MTUS2: variants seen among roughly 807,000 people sequenced by gnomAD.
The protein encoded by MTUS2 is microtubule-associated tumor suppressor candidate 2.
A neutral mutation model predicts 114.1 loss-of-function variants in MTUS2; 40 were observed. The ratio of observed to expected loss-of-function variants is 0.35; its 90% CI spans 0.27 to 0.46. MTUS2 has a LOEUF of 0.46. Among genes scored for constraint, MTUS2 ranks in the 20% least tolerant of loss-of-function variants. The pLI, the probability that MTUS2 is intolerant of heterozygous loss-of-function variation, is 1.00. For synonymous variants in MTUS2, 688 were observed against 672.0 expected (o/e 1.02, Z -0.37); for missense variants, 1,679 against 1,705.4 (o/e 0.98, Z 0.27).
chr13:29,173,239 A>G (rs546509343), intron 5 of MTUS2, among the ~76,000 whole-genome samples: 2 of 152,258 alleles, frequency 1.3e-5, no homozygotes, highest in South Asian at 2.1e-4. Flanking sequence ...TATGTTCACA[A>G]AGAGAAATTG....
rs199648450 is a variant in MTUS2 at position 29,026,612 on chromosome 13, G to A, written c.1914G>A (p.Lys638=). Reference sequence around the variant, plus strand: ...AGCCCATCATTATGCCCAAGCCCAAGCATGTGAGGCCCAAGATCATCACCT... The same window carrying A: ...AGCCCATCATTATGCCCAAGCCCAAACATGTGAGGCCCAAGATCATCACCT... ...ETKPIIMPKP[K]HVRPKIITYI... is the part of the protein sequence containing the mutation. Residue 638 remains lysine, a synonymous_variant, in exon 3 of 16, where the codon AAG becomes AAA. Transcript: ENST00000612955. 1.8e-4 allele frequency: 285 copies of A among 1,613,948 alleles called. No individual in the cohort carries two copies. In the African/African-American group the frequency reaches 3.4e-3, roughly 19 times the overall value.
At chr13:29,291,526 G>C (rs995768885) in intron 6 of MTUS2, among the ~76,000 whole-genome samples, 7 of 152,344 alleles carry the variant, frequency 4.6e-5, no homozygotes, top group Admixed American at 2.0e-4. Context: ...ACCCTCAGCT[G>C]TGGCTCCCTG....
intron 2 of MTUS2, among the ~76,000 whole-genome samples, chr13:28,917,596 G>A (rs1880817477): frequency 6.7e-6 from 1 of 149,470 alleles, no homozygotes; most frequent in Non-Finnish European, 1.5e-5. Flanking sequence ...GATTTTATTT[G>A]TTCGGGTAGT....
chr13:28,826,044 T>A (rs924238789), intron 1 of MTUS2, among the ~76,000 whole-genome samples: 2 of 152,202 alleles, frequency 1.3e-5, no homozygotes, highest in African/African-American at 2.4e-5. Flanking sequence ...CTCTTTAGCT[T>A]TTGTAAGTGG....
chr13:28,872,262 G>C (rs1388775555), intron 2 of MTUS2, among the ~76,000 whole-genome samples: 1 of 152,092 alleles, frequency 6.6e-6, no homozygotes. Context: ...GAATTCATGG[G>C]GGGTGTAAGG....
chr13:28,991,690 T>G (rs767607053), intron 2 of MTUS2, among the ~76,000 whole-genome samples: 9 of 152,140 alleles, frequency 5.9e-5, no homozygotes, highest in Non-Finnish European at 1.0e-4. Context: ...TCTTTAAAAT[T>G]TAATTTAATT....
At chr13:28,911,774 A>T (rs910088714) in intron 2 of MTUS2, among the ~76,000 whole-genome samples, 1 of 146,016 alleles carries the variant, frequency 6.8e-6, no homozygotes, top group Non-Finnish European at 1.5e-5. Context: ...GCTTTTTTTC[A>T]TATGTTTATT....
chr13:29,108,050 T>A (rs904481957), intron 5 of MTUS2, among the ~76,000 whole-genome samples: 2 of 152,222 alleles, frequency 1.3e-5, no homozygotes, highest in Non-Finnish European at 2.9e-5. Context: ...CACTGATGAA[T>A]ACTATAAAAT....
At chr13:28,875,010 C>A (rs1368411099) in intron 2 of MTUS2, among the ~76,000 whole-genome samples, 3 of 152,178 alleles carry the variant, frequency 2.0e-5, no homozygotes, top group Non-Finnish European at 2.9e-5. Flanking sequence ...TTTGTTGTCT[C>A]CCCTTTAGAA....
intron 7 of MTUS2, among the ~76,000 whole-genome samples, chr13:29,328,142 A>C (rs1420105300): frequency 6.6e-6 from 1 of 152,164 alleles, no homozygotes; most frequent in Non-Finnish European, 1.5e-5. Context: ...CTTATGTTAT[A>C]AATTACTATA....
intron 2 of MTUS2, among the ~76,000 whole-genome samples, chr13:28,891,939 C>G (rs1209588204): frequency 6.6e-6 from 1 of 150,884 alleles, no homozygotes; most frequent in African/African-American, 2.4e-5. Context: ...CTGATATACT[C>G]TATTTGGTCT....
intron 9 of MTUS2, among the ~76,000 whole-genome samples, chr13:29,465,497 C>T (rs950590326): frequency 2.0e-5 from 3 of 152,156 alleles, no homozygotes; most frequent in African/African-American, 7.2e-5. Flanking sequence ...CATTTAACAC[C>T]AGGTAATCGC....
chr13:28,974,880 A>T (rs1021839099), intron 2 of MTUS2, among the ~76,000 whole-genome samples: 2 of 142,890 alleles, frequency 1.4e-5, no homozygotes, highest in African/African-American at 4.9e-5. Context: ...AATAGATTAG[A>T]TAGTCAGTAG....
chr13:28,948,508 G>A (rs1040156027), intron 2 of MTUS2, among the ~76,000 whole-genome samples: 2 of 152,174 alleles, frequency 1.3e-5, no homozygotes, highest in Admixed American at 1.3e-4. Context: ...GCACCTGCCT[G>A]TCTGAAGTTC....
chr13:29,452,315 C>T (rs137973938), intron 9 of MTUS2, among the ~76,000 whole-genome samples: 30 of 152,028 alleles, frequency 2.0e-4, no homozygotes, highest in African/African-American at 4.8e-4. Flanking sequence ...ATATGCATAA[C>T]GCTTTCTGGT....
chr13:28,822,916 C>T (rs1027041840), intron 1 of MTUS2, among the ~76,000 whole-genome samples: 3 of 152,280 alleles, frequency 2.0e-5, no homozygotes, highest in South Asian at 4.1e-4. Flanking sequence ...ACTGCTATAA[C>T]CTAGGGCTGT....
chr13:29,255,365 T>A (rs1195963347), intron 5 of MTUS2, among the ~76,000 whole-genome samples: 1 of 152,182 alleles, frequency 6.6e-6, no homozygotes, highest in Non-Finnish European at 1.5e-5. Flanking sequence ...CCCCCTCCGG[T>A]CCATCTGTCA....
intron 2 of MTUS2, among the ~76,000 whole-genome samples, chr13:28,854,813 G>T (rs1030517147): frequency 1.3e-5 from 2 of 152,144 alleles, no homozygotes; most frequent in African/African-American, 4.8e-5. Context: ...AGGAGCCAGA[G>T]AATGTCTTCC....
chr13:29,160,281 C>T lies in MTUS2; in HGVS notation c.2644+59311C>T, dbSNP rs140334974. 7.7e-3 allele frequency among the ~76,000 whole-genome samples: 1,168 copies of T among 152,310 alleles called. 12 individuals are homozygous for T. The highest frequency in any genetic ancestry group is 0.011 in the Non-Finnish European group (719 of 68,022). On this transcript the variant is annotated intron_variant, in intron 5 of 15. Coordinates refer to ENST00000612955, the MANE Select transcript of MTUS2 (RefSeq NM_001033602.4). Reference sequence around the variant, plus strand: ...CCCTGAGACTACAATACCAACTCTCCTCTAGAAAAAAGTAAATCTCTTTTT... The same window carrying T: ...CCCTGAGACTACAATACCAACTCTCTTCTAGAAAAAAGTAAATCTCTTTTT...
Sources: allele counts gnomAD v4.1 joint callset (sites outside exome capture counted in the v4.1 genomes callset), GRCh38; gene constraint gnomAD v4.1.1; transcripts MANE v1.5; gene names NCBI Gene and HGNC (gene_info 2026-07-23, HGNC 2026-07-21).